Variants in ADAM32 observed in about 807,000 individuals in gnomAD.
ADAM32 encodes the protein disintegrin and metalloproteinase domain-containing protein 32.
ADAM32 carries 89 observed loss-of-function variants against 114.9 expected under a neutral mutation model. That is an observed-to-expected ratio of 0.77 (90% CI 0.65 to 0.92). The LOEUF is 0.92. Ranked by LOEUF, ADAM32 falls within the 40% of genes least tolerant of loss-of-function variation. The probability of loss-of-function intolerance (pLI) is 0.00; values close to 1 mark genes in which losing one functional copy is unlikely to be tolerated. For missense variants in ADAM32, 870 were observed against 932.8 expected, an observed-to-expected ratio of 0.93 and a Z score of 0.88; for synonymous variants, 285 against 307.5, an observed-to-expected ratio of 0.93 and a Z score of 0.77.
intron 3 of ADAM32, among the ~76,000 whole-genome samples, chr8:39,145,251 C>T (rs4262296): frequency 0.52 from 78,850 of 151,952 alleles, 21,465 homozygotes; most frequent in Non-Finnish European, 0.6. Context: ...ACAAATTCAA[C>T]GCAATCCCTA....
chr8:39,243,678 G>A (rs1810709761), intron 16 of ADAM32, among the ~76,000 whole-genome samples: 2 of 152,188 alleles, frequency 1.3e-5, no homozygotes, highest in African/African-American at 4.8e-5. Flanking sequence ...ACATTGTACT[G>A]AATAGGGAAA....
At chr8:39,143,165 T>C (rs993312626) in intron 3 of ADAM32, among the ~76,000 whole-genome samples, 1 of 152,210 alleles carries the variant, frequency 6.6e-6, no homozygotes. Flanking sequence ...CTCCTTTAGC[T>C]TGGAGAAATT....
At chr8:39,201,534 C>G (rs370163234) in intron 11 of ADAM32, among the ~76,000 whole-genome samples, 2 of 152,278 alleles carry the variant, frequency 1.3e-5, no homozygotes, top group South Asian at 2.1e-4. Flanking sequence ...TGGGCTGAGA[C>G]GTTGGGGTTT....
chr8:39,274,302 T>G lies in ADAM32; in HGVS notation c.2202-10T>G. ...ACTAACTTGAGACATTGCTTTCAAT[T>G]TTTTTTTAGATCCAGCTCAGAAGGC... On this transcript the variant is annotated splice_polypyrimidine_tract_variant and intron_variant, in intron 20 of 24. Transcript: ENST00000379907. 6.2e-7 allele frequency: 1 copy of G among 1,612,786 alleles called. No homozygotes were observed. Among genetic ancestry groups the G allele is most frequent in the Non-Finnish European group, 8.5e-7 (1 of 1,179,302 alleles).
chr8:39,149,083 C>T (rs143352236), intron 4 of ADAM32, among the ~76,000 whole-genome samples: 6 of 152,134 alleles, frequency 3.9e-5, no homozygotes, highest in African/African-American at 7.2e-5. Context: ...ATACTAACCA[C>T]GTTGTCCAAA....
At chr8:39,181,344 G>A (rs1027868016) in intron 10 of ADAM32, among the ~76,000 whole-genome samples, 2 of 152,088 alleles carry the variant, frequency 1.3e-5, no homozygotes, top group African/African-American at 4.8e-5. Context: ...CACTCACTGC[G>A]AACGTCTGCA....
At chr8:39,133,225 C>A (rs761973229) in intron 2 of ADAM32, among the ~76,000 whole-genome samples, 1 of 152,114 alleles carries the variant, frequency 6.6e-6, no homozygotes, top group Non-Finnish European at 1.5e-5. Flanking sequence ...TAGTTGAGAC[C>A]TGGCACCTCT....
chr8:39,214,253 GAAC>G (rs1808417764), intron 12 of ADAM32, among the ~76,000 whole-genome samples: 2 of 152,054 alleles, frequency 1.3e-5, no homozygotes, highest in Non-Finnish European at 2.9e-5. Flanking sequence ...GTTTTCTGAG[GAAC>G]CTCCAAACTG....
intron 16 of ADAM32, among the ~76,000 whole-genome samples, chr8:39,236,998 A>G (rs79828318): frequency 0.054 from 8,188 of 152,240 alleles, 759 homozygotes; most frequent in African/African-American, 0.19. Context: ...GCTTGCCACT[A>G]CAAACTTCGT....
chr8:39,147,277 G>T, intron 4 of ADAM32, 72 bp downstream of exon 4: 1 of 625,950 alleles, frequency 1.6e-6, no homozygotes, highest in Non-Finnish European at 2.2e-6. Context: ...TTATTATACA[G>T]AAGGCTCTCA....
At chr8:39,280,625 T>C (rs894156245) in intron 22 of ADAM32, among the ~76,000 whole-genome samples, 6 of 152,186 alleles carry the variant, frequency 3.9e-5, no homozygotes, top group African/African-American at 1.4e-4. Context: ...TTGCATTTGG[T>C]GTTTGAGTAA....
At chr8:39,159,263 A>G (rs1161696048) in intron 6 of ADAM32, among the ~76,000 whole-genome samples, 2 of 152,224 alleles carry the variant, frequency 1.3e-5, no homozygotes, top group Admixed American at 6.5e-5. Flanking sequence ...GTAGTCACCA[A>G]GTGATTTGAT....
intron 23 of ADAM32, among the ~76,000 whole-genome samples, chr8:39,281,715 C>G (rs1468776552): frequency 6.6e-6 from 1 of 152,122 alleles, no homozygotes; most frequent in East Asian, 1.9e-4. Context: ...TTTTGGTTTC[C>G]TACACCCCAC....
intron 2 of ADAM32, among the ~76,000 whole-genome samples, chr8:39,120,034 G>A (rs1186481464): frequency 6.6e-6 from 1 of 152,224 alleles, no homozygotes; most frequent in Non-Finnish European, 1.5e-5. Flanking sequence ...GAAGGCAGCT[G>A]TCTGCAAGCC....
At chr8:39,278,767 G>C (rs575335766) in intron 22 of ADAM32, among the ~76,000 whole-genome samples, 2 of 151,928 alleles carry the variant, frequency 1.3e-5, no homozygotes, top group South Asian at 2.1e-4. Flanking sequence ...TTTTCATTAT[G>C]GGTTTAGTTT....
chr8:39,159,480 A>T (rs1045925060), intron 6 of ADAM32, among the ~76,000 whole-genome samples: 2 of 152,222 alleles, frequency 1.3e-5, no homozygotes, highest in African/African-American at 4.8e-5. Flanking sequence ...GCAAGTGTCC[A>T]GCCTTGGACA....
chr8:39,165,542 T>C (rs1804776651), intron 9 of ADAM32: 2 of 163,318 alleles, frequency 1.2e-5, no homozygotes. Flanking sequence ...GGATTTATCT[T>C]GAGAGGTTTA....
intron 16 of ADAM32, among the ~76,000 whole-genome samples, chr8:39,237,073 A>C (rs1810200841): frequency 6.6e-6 from 1 of 152,220 alleles, no homozygotes; most frequent in African/African-American, 2.4e-5. Flanking sequence ...CTGGACACAC[A>C]TCCTTACTGG....
At chr8:39,227,035 G>A (rs771620032) in intron 14 of ADAM32, among the ~76,000 whole-genome samples, 3 of 152,144 alleles carry the variant, frequency 2.0e-5, no homozygotes, top group Admixed American at 6.5e-5. Context: ...TTACAGCTCC[G>A]GAAGGGACAG....
Sources: gnomAD v4.1 joint callset for allele counts (sites outside exome capture counted in the v4.1 genomes callset) on GRCh38, gnomAD v4.1.1 for gene constraint, MANE v1.5 for transcripts, NCBI Gene and HGNC (gene_info 2026-07-23, HGNC 2026-07-21) for gene names.